Variants in SPPL3 observed in about 807,000 individuals in gnomAD.
The protein encoded by SPPL3 is signal peptide peptidase-like 3.
In SPPL3, 5 loss-of-function variants were observed where a neutral mutation model predicts 42.4. The observed-to-expected ratio is 0.12, with a 90% CI of 0.06 to 0.25. The LOEUF (loss-of-function observed/expected upper bound fraction) is 0.25. SPPL3 is among the 10% of genes least tolerant of loss of function. The probability of loss-of-function intolerance (pLI) is 1.00; values close to 1 mark genes in which losing one functional copy is unlikely to be tolerated. For synonymous variants in SPPL3, 195 were observed against 181.8 expected (o/e 1.07, Z -0.58); for missense variants, 235 against 489.0 (o/e 0.48, Z 4.90).
At chr12:120,827,818 C>A (rs1183507466) in intron 1 of SPPL3, among the ~76,000 whole-genome samples, 1 of 151,406 alleles carries the variant, frequency 6.6e-6, no homozygotes, top group Non-Finnish European at 1.5e-5. Flanking sequence ...AGACAAGTCT[C>A]ACTCTGTTGC....
intron 1 of SPPL3, among the ~76,000 whole-genome samples, chr12:120,815,481 G>A (rs920031872): frequency 1.3e-4 from 20 of 152,152 alleles, no homozygotes. Flanking sequence ...AAAAAAACAA[G>A]AGCGGCTTTC....
At chr12:120,802,433 T>TATATA (rs1250275570) in intron 2 of SPPL3, among the ~76,000 whole-genome samples, 5 of 92,202 alleles carry the variant, frequency 5.4e-5, no homozygotes, top group East Asian at 2.6e-4. Flanking sequence ...ATATATATAT[T>TATATA]TTTTTTTTTT....
chr12:120,883,828 G>A (rs1020924508), intron 1 of SPPL3, among the ~76,000 whole-genome samples: 1 of 152,192 alleles, frequency 6.6e-6, no homozygotes, highest in African/African-American at 2.4e-5. Flanking sequence ...TAAGCCGGGC[G>A]TGGTGGCTCA....
chr12:120,768,672 C>A, intron 7 of SPPL3, 184 bp from the exon 8 acceptor site: 1 of 729,564 alleles, frequency 1.4e-6, no homozygotes, highest in Non-Finnish European at 2.2e-6. Context: ...CTCTCCACAC[C>A]CAGAGATTAC....
intron 6 of SPPL3, among the ~76,000 whole-genome samples, chr12:120,777,676 C>T (rs1019020642): frequency 7.9e-5 from 12 of 152,174 alleles, no homozygotes; most frequent in East Asian, 1.9e-4. Context: ...ACTGAAGTAT[C>T]GTAACACAAA....
intron 1 of SPPL3, among the ~76,000 whole-genome samples, chr12:120,849,892 C>G (rs1872167387): frequency 6.6e-6 from 1 of 152,164 alleles, no homozygotes; most frequent in South Asian, 2.1e-4. Flanking sequence ...AGTATTTCTA[C>G]TGGAAAATCT....
intron 1 of SPPL3, among the ~76,000 whole-genome samples, chr12:120,883,935 C>CT (rs1873367730): frequency 6.6e-6 from 1 of 151,162 alleles, no homozygotes; most frequent in South Asian, 2.1e-4. Flanking sequence ...AACCCTGTCT[C>CT]TATTAAAAAT....
chr12:120,802,411 G>GTA (rs1383465712), intron 2 of SPPL3, among the ~76,000 whole-genome samples: 226 of 101,286 alleles, frequency 2.2e-3, no homozygotes, highest in Admixed American at 3.1e-3. Flanking sequence ...GTGTGTGTGT[G>GTA]TGTGTATATA....
intron 6 of SPPL3, among the ~76,000 whole-genome samples, chr12:120,780,442 T>C (rs899845057): frequency 9.3e-5 from 14 of 150,934 alleles, no homozygotes; most frequent in African/African-American, 3.2e-4. Flanking sequence ...AGTAAGGCCC[T>C]GTCTCCAAAC....
rs547076112 is a variant in SPPL3, at chr12:120,894,971, A to C, written c.23+8874T>G. On this transcript the variant is annotated intron_variant, in intron 1 of 10. Coordinates refer to ENST00000353487, the MANE Select transcript of SPPL3 (RefSeq NM_139015.5). ...CAAACAAACAAACAAACAAACAAAC[A>C]AACCTGCTAACAGCTCCTCCTCAGG... 5.7e-5 allele frequency among the ~76,000 whole-genome samples: 8 copies of C among 140,976 alleles called. No homozygotes were observed. The East Asian group carries it at 1.1e-3, about 19-fold the overall frequency. The allele number at this position is 140,976 out of a possible 152,430, so 92.5% of individuals were successfully genotyped here. A position where few individuals can be genotyped will look rare whatever the true frequency, so the allele number is the denominator to read the frequency against.
At chr12:120,784,724 C>T (rs1163592037) in intron 3 of SPPL3, 131 bp from the exon 4 acceptor site, 3 of 584,162 alleles carry the variant, frequency 5.1e-6, no homozygotes, top group Admixed American at 3.8e-5. Context: ...ATTATCCAGG[C>T]CCTATGAGTC....
At chr12:120,847,418 A>C (rs553344518) in intron 1 of SPPL3, among the ~76,000 whole-genome samples, 1 of 152,046 alleles carries the variant, frequency 6.6e-6, no homozygotes, top group East Asian at 1.9e-4. Context: ...TCAGCCTCCC[A>C]AGTAGCTGGG....
At chr12:120,856,221 C>T (rs1470900675) in intron 1 of SPPL3, among the ~76,000 whole-genome samples, 4 of 151,724 alleles carry the variant, frequency 2.6e-5, no homozygotes, top group East Asian at 1.9e-4. Context: ...CCCCTTGTGG[C>T]TTAGGCTTAT....
chr12:120,857,086 G>A (rs1255892617), intron 1 of SPPL3, among the ~76,000 whole-genome samples: 1 of 152,154 alleles, frequency 6.6e-6, no homozygotes, highest in Non-Finnish European at 1.5e-5. Context: ...AGAAAAGGAA[G>A]AAGGTGGCCC....
At chr12:120,781,566 T>TGG (rs1179827952) in intron 6 of SPPL3, among the ~76,000 whole-genome samples, 7 of 88,376 alleles carry the variant, frequency 7.9e-5, no homozygotes, top group African/African-American at 3.3e-4. Flanking sequence ...TTTTTTTTTT[T>TGG]TTTTTTTTTT....
chr12:120,789,865 A>G (rs915707359), intron 3 of SPPL3, among the ~76,000 whole-genome samples: 1 of 146,876 alleles, frequency 6.8e-6, no homozygotes. Context: ...CTGTATTACC[A>G]GGTAACTTCT....
chr12:120,835,077 G>A (rs2137021075), intron 1 of SPPL3, among the ~76,000 whole-genome samples: 1 of 152,188 alleles, frequency 6.6e-6, no homozygotes, highest in South Asian at 2.1e-4. Context: ...TTACCTCTCT[G>A]CATACATCTT....
At chr12:120,797,376 T>C (rs1870136308) in intron 2 of SPPL3, among the ~76,000 whole-genome samples, 1 of 152,176 alleles carries the variant, frequency 6.6e-6, no homozygotes, top group African/African-American at 2.4e-5. Flanking sequence ...GTGGAAACTA[T>C]CTTAAGATAG....
At chr12:120,799,386 A>G (rs529084113) in intron 2 of SPPL3, among the ~76,000 whole-genome samples, 1 of 152,312 alleles carries the variant, frequency 6.6e-6, no homozygotes, top group East Asian at 1.9e-4. Context: ...TTGTACCATC[A>G]TGAAGTGGAA....
Sources: allele counts gnomAD v4.1 joint callset (sites outside exome capture counted in the v4.1 genomes callset), GRCh38; gene constraint gnomAD v4.1.1; transcripts MANE v1.5; gene names NCBI Gene and HGNC (gene_info 2026-07-23, HGNC 2026-07-21).